The following PTCH1 variants were observed in gnomAD, a reference collection of about 807,000 sequenced individuals.
The protein encoded by PTCH1 is protein patched homolog 1.
Under a neutral mutation model 144.6 loss-of-function variants are expected in PTCH1, and 14 were observed. The ratio of observed to expected loss-of-function variants is 0.10; its 90% CI spans 0.06 to 0.15. The LOEUF is 0.15. Among genes scored for constraint, PTCH1 ranks in the 10% least tolerant of loss-of-function variants. The probability of loss-of-function intolerance (pLI) is 1.00; values close to 1 mark genes in which losing one functional copy is unlikely to be tolerated. For missense variants in PTCH1, 1,623 were observed against 1,948.3 expected (o/e 0.83, Z 3.14); for synonymous variants, 833 against 793.6 (o/e 1.05, Z -0.83).
intron 16 of PTCH1, among the ~76,000 whole-genome samples, chr9:95,461,158 C>A (rs1312362964): frequency 6.6e-6 from 1 of 152,118 alleles, no homozygotes; most frequent in Non-Finnish European, 1.5e-5. Flanking sequence ...CCTGAACACA[C>A]CTGCAGAACC....
chr9:95,468,678 A>G, intron 14 of PTCH1, 73 bp downstream of exon 14: 2 of 1,572,244 alleles, frequency 1.3e-6, no homozygotes, highest in African/African-American at 2.7e-5. Flanking sequence ...GAAAAGTAGA[A>G]GCAATCTGAT....
At position 95,485,766 on chromosome 9, in the gene PTCH1, T is replaced by G; in HGVS notation, c.503A>C (p.Asn168Thr). Residue 168 changes from asparagine to threonine, a missense_variant, in exon 3 of 24, where the codon AAT becomes ACT. By Grantham distance (65) the Asn-to-Thr change is moderately conservative. Coordinates refer to ENST00000331920, the MANE Select transcript of PTCH1 (RefSeq NM_000264.5). ...TAGGAGCGCTTCTGTGGTCAGGACA[T>G]TAGCACCTTCTTCTTTAGGGGTCTG... ...MIQTPKEEGA[N>T]VLTTEALLQH... 6.2e-7 allele frequency: 1 copy of G among 1,614,200 alleles called. No individual in the cohort carries two copies. Among genetic ancestry groups the G allele is most frequent in the Non-Finnish European group, 8.5e-7 (1 of 1,180,032 alleles).
chr9:95,448,834 T>C (rs1838182054), intron 22 of PTCH1, among the ~76,000 whole-genome samples: 1 of 152,198 alleles, frequency 6.6e-6, no homozygotes, highest in Non-Finnish European at 1.5e-5. Flanking sequence ...GTGACATTAC[T>C]GGCCCCTGCC....
intron 20 of PTCH1, 82 bp downstream of exon 20, chr9:95,453,396 C>G (rs1442413901): frequency 6.3e-7 from 1 of 1,597,998 alleles, no homozygotes; most frequent in East Asian, 2.2e-5. Context: ...TCCTAAAGTG[C>G]TGGGATTACA....
At chr9:95,504,633 C>A (rs999112268) in intron 2 of PTCH1, among the ~76,000 whole-genome samples, 1 of 152,126 alleles carries the variant, frequency 6.6e-6, no homozygotes, top group Non-Finnish European at 1.5e-5. Flanking sequence ...CTAGAATCTA[C>A]GGCAGCGCCC....
At chr9:95,491,995 T>G (rs2118662717) in intron 2 of PTCH1, among the ~76,000 whole-genome samples, 1 of 152,232 alleles carries the variant, frequency 6.6e-6, no homozygotes, top group East Asian at 1.9e-4. Flanking sequence ...ATTCATAAAA[T>G]CAAAGAGAGA....
At position 95,506,597 on chromosome 9, in the gene PTCH1, C is replaced by T. The variant is rs547930654; in HGVS notation, c.204G>A (p.Gly68=). 2 of 1,610,944 alleles carry T rather than the reference C, an allele frequency of 1.2e-6. No homozygotes were observed. The highest frequency in any genetic ancestry group is 1.7e-6 in the Non-Finnish European group (2 of 1,178,652). Residue 68 remains glycine, a splice_region_variant and synonymous_variant, in exon 2 of 24, where the codon GGG becomes GGA. Transcript: ENST00000331920. ...AAFALEQISK[G]KATGRKAPLW... is the part of the protein sequence containing the mutation. ...GCGGCGCTTTCCGGCCAGTAGCCTTCCCCTGGGGACGAAGCAGAAGGGAGG... is the reference window on the plus strand; with the variant it reads ...GCGGCGCTTTCCGGCCAGTAGCCTTTCCCTGGGGACGAAGCAGAAGGGAGG...
intron 14 of PTCH1, 101 bp from the exon 15 acceptor site, chr9:95,467,526 C>G: frequency 1.7e-6 from 2 of 1,174,686 alleles, no homozygotes; most frequent in East Asian, 5.1e-5. Flanking sequence ...CACCACCACA[C>G]TTAAACTGAT....
chr9:95,458,351 C>T lies in PTCH1; in HGVS notation c.2888-58G>A. On this transcript the variant is annotated intron_variant, in intron 17 of 23. Coordinates refer to ENST00000331920, the MANE Select transcript of PTCH1 (RefSeq NM_000264.5). This position sits in a 1 kb window ranked among gnomAD's most constrained non-coding sequence, Gnocchi z 4.7. ...CCAGGGTAGAAGAGCATCACAGTTTCAATGGAAAGAGAGAAGAACTTTGCA... is the reference window on the plus strand; with the variant it reads ...CCAGGGTAGAAGAGCATCACAGTTTTAATGGAAAGAGAGAAGAACTTTGCA... 6.3e-7 allele frequency: 1 copy of T among 1,580,906 alleles called. No homozygotes were observed. Among genetic ancestry groups the T allele is most frequent in the Non-Finnish European group, 8.6e-7 (1 of 1,160,894 alleles).
chr9:95,457,939 A>G, intron 18 of PTCH1, 74 bp downstream of exon 18: 1 of 1,592,984 alleles, frequency 6.3e-7, no homozygotes, highest in Non-Finnish European at 8.6e-7. Context: ...AGACATAAAC[A>G]AAACTTCCCG....
intron 19 of PTCH1, 39 bp downstream of exon 19, chr9:95,456,237 G>T: frequency 1.2e-6 from 2 of 1,610,690 alleles, no homozygotes; most frequent in African/African-American, 2.7e-5. Flanking sequence ...GAAATGGGTT[G>T]TTTTTTCACA....
At chr9:95,474,150 G>C (rs1192429850) in intron 12 of PTCH1, 5 of 454,808 alleles carry the variant, frequency 1.1e-5, no homozygotes, top group South Asian at 8.0e-5. Flanking sequence ...TGTACTAAGA[G>C]AGGAGAGGAG....
intron 7 of PTCH1, 50 bp from the exon 8 acceptor site, chr9:95,479,197 G>C (rs1424687294): frequency 6.2e-7 from 1 of 1,612,682 alleles, no homozygotes; most frequent in Non-Finnish European, 8.5e-7. Context: ...CCAGGAAGCA[G>C]TTTCCACTGC....
At chr9:95,514,523 G>T (rs1260899164) in intron 1 of PTCH1, 1 of 152,206 alleles carries the variant, frequency 6.6e-6, no homozygotes, top group African/African-American at 2.4e-5. Context: ...CCAGCTTATT[G>T]TGTGTCTTTC....
intron 13 of PTCH1, 74 bp from the exon 14 acceptor site, chr9:95,469,227 C>A (rs895348261): frequency 5.7e-6 from 9 of 1,587,246 alleles, no homozygotes; most frequent in African/African-American, 1.3e-5. Context: ...CCATTTTTCA[C>A]TGTGTACGGA....
intron 15 of PTCH1, among the ~76,000 whole-genome samples, chr9:95,466,262 G>A (rs1018953501): frequency 1.3e-5 from 2 of 152,132 alleles, no homozygotes; most frequent in African/African-American, 4.8e-5. Flanking sequence ...GGCCAGGCTG[G>A]TCTCGAACTC....
chr9:95,483,706 C>A (rs28581968), intron 3 of PTCH1: 1 of 152,222 alleles, frequency 6.6e-6, no homozygotes, highest in Non-Finnish European at 1.5e-5. Flanking sequence ...ATACTGATGT[C>A]TTTCCTCTCT....
chr9:95,508,426 C>A lies in PTCH1; in HGVS notation c.-65G>T. The A allele has an allele frequency of 9.5e-7, 1 of 1,048,082 alleles. No homozygotes were observed. Among genetic ancestry groups the A allele is most frequent in the Non-Finnish European group, 1.1e-6 (1 of 872,492 alleles). The allele number at this position is 1,048,082 out of a possible 1,614,324, so 64.9% of individuals were successfully genotyped here. A position where few individuals can be genotyped will look rare whatever the true frequency, so the allele number is the denominator to read the frequency against. ...TCCCGGGCGGCCCGGCGCGCTGCTG[C>A]CGCTGCTGCGGGCTCCTGGCGCGCC... On this transcript the variant is annotated 5_prime_UTR_variant, in exon 1 of 24. Transcript: ENST00000331920.
chr9:95,454,337 T>A (rs1372242652), intron 19 of PTCH1, among the ~76,000 whole-genome samples: 1 of 152,188 alleles, frequency 6.6e-6, no homozygotes, highest in African/African-American at 2.4e-5. Context: ...GCACAAGTTC[T>A]CTCTCTGAAG....
Sources: gnomAD v4.1 joint callset for allele counts (sites outside exome capture counted in the v4.1 genomes callset) on GRCh38, gnomAD v4.1.1 for gene constraint, Gnocchi (gnomAD v3.1) non-coding constraint, MANE v1.5 for transcripts, NCBI Gene and HGNC (gene_info 2026-07-23, HGNC 2026-07-21) for gene names.